DNAL1: variants seen among roughly 807,000 people sequenced by gnomAD.
The protein encoded by DNAL1 is dynein axonemal light chain 1, also known as chromosome 14 open reading frame 168.
In DNAL1, 17 loss-of-function variants were observed where a neutral mutation model predicts 29.4. The ratio of observed to expected loss-of-function variants is 0.58; its 90% CI spans 0.40 to 0.87. The LOEUF (loss-of-function observed/expected upper bound fraction) is 0.87. DNAL1 is among the 40% of genes least tolerant of loss of function. The pLI is 0.00. For synonymous variants in DNAL1, 78 were observed against 76.3 expected (o/e 1.02, Z -0.12); for missense variants, 188 against 214.1 (o/e 0.88, Z 0.76).
intron 3 of DNAL1, 53 bp from the exon 4 acceptor site, chr14:73,661,934 C>T: frequency 8.0e-7 from 1 of 1,249,426 alleles, no homozygotes; most frequent in Non-Finnish European, 1.1e-6. Flanking sequence ...GGAATAATTT[C>T]TGATTTACCA....
chr14:73,674,944 A>G (rs1193479218), intron 5 of DNAL1, among the ~76,000 whole-genome samples: 1 of 150,790 alleles, frequency 6.6e-6, no homozygotes. Context: ...TCAGCCTCCC[A>G]AGTAGCTGTG....
Position 73,701,518 on chromosome 14 carries a change from A to G in DNAL1, c.*5576A>G, listed in dbSNP as rs893045014. 2 of 152,238 alleles carry G rather than the reference A, an allele frequency of 1.3e-5. No individual in the cohort carries two copies. Among genetic ancestry groups the G allele is most frequent in the Non-Finnish European group, 2.9e-5 (2 of 68,050 alleles). 9.4% of individuals were successfully genotyped at this position (152,238 alleles called of 1,614,324 possible). ...TCCTACTCAGAATAGAAGCTTTGCG[A>G]ATTATCATTCCCACCTCTAGATTTT... On this transcript the variant is annotated 3_prime_UTR_variant, in exon 8 of 8. Coordinates refer to ENST00000553645, the MANE Select transcript of DNAL1 (RefSeq NM_031427.4).
At chr14:73,681,665 G>T (rs1891891444) in intron 5 of DNAL1, among the ~76,000 whole-genome samples, 1 of 125,038 alleles carries the variant, frequency 8.0e-6, no homozygotes, top group Non-Finnish European at 1.6e-5. Context: ...TTAGTTGGGT[G>T]TGGTGATGCA....
chr14:73,676,138 G>T (rs1049937159), intron 5 of DNAL1, among the ~76,000 whole-genome samples: 2 of 151,508 alleles, frequency 1.3e-5, no homozygotes, highest in Non-Finnish European at 2.9e-5. Flanking sequence ...GGAGGCTGAG[G>T]CACAAGAATC....
intron 1 of DNAL1, among the ~76,000 whole-genome samples, chr14:73,648,547 G>T (rs1452365698): frequency 6.6e-6 from 1 of 150,574 alleles, no homozygotes; most frequent in Non-Finnish European, 1.5e-5. Flanking sequence ...GCGAGTAGTT[G>T]GGACTACAGG....
intron 6 of DNAL1, 149 bp downstream of exon 6, chr14:73,687,534 T>C: frequency 1.1e-6 from 1 of 940,020 alleles, no homozygotes; most frequent in Non-Finnish European, 1.4e-6. Flanking sequence ...GAAACAGCAA[T>C]AGGAGTTTCT....
intron 4 of DNAL1, among the ~76,000 whole-genome samples, chr14:73,670,602 G>A (rs1891595171): frequency 6.6e-6 from 1 of 151,930 alleles, no homozygotes; most frequent in Admixed American, 6.6e-5. Context: ...ACTTCTGTTA[G>A]TTCCTCCCCA....
intron 1 of DNAL1, among the ~76,000 whole-genome samples, chr14:73,646,155 A>G (rs1890971989): frequency 6.6e-6 from 1 of 152,220 alleles, no homozygotes; most frequent in African/African-American, 2.4e-5. Context: ...TCTGGAACCT[A>G]GGTTTATATT....
At chr14:73,672,660 A>AAAGGAAGT (rs1047357997) in intron 5 of DNAL1, among the ~76,000 whole-genome samples, 2 of 151,924 alleles carry the variant, frequency 1.3e-5, no homozygotes, top group African/African-American at 4.8e-5. Flanking sequence ...GGGATTAAAT[A>AAAGGAAGT]AAGGAAGTTT....
Position 73,696,035 on chromosome 14 carries a change from G to A in DNAL1, c.*93G>A, listed in dbSNP as rs1595230763. On this transcript the variant is annotated 3_prime_UTR_variant, in exon 8 of 8. Transcript: ENST00000553645. ...TTGTCTATTTTAAAGATTCTGTATG[G>A]GACAAAAGTTTCTTAAGATAAAACA... is the stretch of plus-strand genomic sequence containing the variant. 1 of 1,189,284 alleles carries A rather than the reference G, an allele frequency of 8.4e-7. No individual in the cohort carries two copies. The highest frequency in any genetic ancestry group is 1.2e-6 in the Non-Finnish European group (1 of 852,062). The allele number at this position is 1,189,284 out of a possible 1,614,324, so 73.7% of individuals were successfully genotyped here. A position where few individuals can be genotyped will look rare whatever the true frequency, so the allele number is the denominator to read the frequency against.
intron 6 of DNAL1, 118 bp downstream of exon 6, chr14:73,687,503 A>G (rs1892047901): frequency 4.2e-6 from 5 of 1,191,694 alleles, no homozygotes; most frequent in Admixed American, 6.9e-5. Flanking sequence ...AAGTGGAAAC[A>G]TTTATGGCTA....
chr14:73,695,853 T>C, intron 7 of DNAL1, 49 bp from the exon 8 acceptor site: 2 of 1,486,468 alleles, frequency 1.3e-6, no homozygotes, highest in Non-Finnish European at 1.8e-6. Flanking sequence ...ATCTAGAATT[T>C]TAGCAATTTT....
intron 6 of DNAL1, among the ~76,000 whole-genome samples, chr14:73,688,554 CAG>C (rs1321293956): frequency 6.6e-6 from 1 of 152,120 alleles, no homozygotes; most frequent in African/African-American, 2.4e-5. Flanking sequence ...ACCCAGGAGA[CAG>C]AGGTTGCAGC....
intron 5 of DNAL1, among the ~76,000 whole-genome samples, chr14:73,685,389 T>G (rs1393855058): frequency 3.3e-5 from 5 of 152,200 alleles, no homozygotes; most frequent in Admixed American, 2.6e-4. Context: ...GTGACTGGCT[T>G]ATTTAACTTA....
intron 5 of DNAL1, among the ~76,000 whole-genome samples, chr14:73,676,073 A>C (rs902396096): frequency 4.6e-5 from 7 of 151,752 alleles, no homozygotes; most frequent in African/African-American, 7.3e-5. Context: ...GACGGAGTCA[A>C]AATTTTAATT....
chr14:73,657,398 T>G lies in DNAL1; in HGVS notation c.43-1449T>G, dbSNP rs577402793. ...GTCTTGCTATGTTGCTCAGGCTGGTTTCCAACTCTTGGGCTCAAGCAGTCC... is the reference window on the plus strand; with the variant it reads ...GTCTTGCTATGTTGCTCAGGCTGGTGTCCAACTCTTGGGCTCAAGCAGTCC... On this transcript the variant is annotated intron_variant, in intron 2 of 7. Coordinates refer to ENST00000553645, the MANE Select transcript of DNAL1 (RefSeq NM_031427.4). Among the ~76,000 whole-genome samples the G allele has an allele frequency of 4.0e-5, 6 of 151,888 alleles. 1 individual carries two copies. In the South Asian group the frequency reaches 1.3e-3, roughly 32 times the overall value.
chr14:73,649,471 A>G (rs1160921896), intron 1 of DNAL1, among the ~76,000 whole-genome samples: 1 of 147,436 alleles, frequency 6.8e-6, no homozygotes, highest in Non-Finnish European at 1.5e-5. Context: ...TTTAGTAGAG[A>G]TGGGGTTTCA....
chr14:73,674,238 A>G (rs1450732045), intron 5 of DNAL1, among the ~76,000 whole-genome samples: 1 of 152,088 alleles, frequency 6.6e-6, no homozygotes, highest in Admixed American at 6.6e-5. Context: ...ACCATGCACA[A>G]TTCATTCCCA....
chr14:73,685,911 G>A (rs1892010465), intron 5 of DNAL1, among the ~76,000 whole-genome samples: 3 of 152,052 alleles, frequency 2.0e-5, no homozygotes, highest in African/African-American at 2.4e-5. Context: ...CCAATATCTC[G>A]AGATCCCACT....
Sources: gnomAD v4.1 joint callset for allele counts (sites outside exome capture counted in the v4.1 genomes callset) on GRCh38, gnomAD v4.1.1 for gene constraint, MANE v1.5 for transcripts, NCBI Gene and HGNC (gene_info 2026-07-23, HGNC 2026-07-21) for gene names.